RNF144A: variants seen among roughly 807,000 people sequenced by gnomAD.
The protein encoded by RNF144A is E3 ubiquitin-protein ligase RNF144A.
A neutral mutation model predicts 38.7 loss-of-function variants in RNF144A; 11 were observed. That is an observed-to-expected ratio of 0.28 (90% CI 0.18 to 0.47). RNF144A has a LOEUF of 0.47. Among genes scored for constraint, RNF144A ranks in the 20% least tolerant of loss-of-function variants. RNF144A has a pLI of 0.99. For missense variants in RNF144A, 316 were observed against 377.2 expected, an observed-to-expected ratio of 0.84 and a Z score of 1.34; for synonymous variants, 149 against 143.9, an observed-to-expected ratio of 1.04 and a Z score of -0.25.
At chr2:7,005,752 G>T (rs1297670530) in intron 3 of RNF144A, among the ~76,000 whole-genome samples, 1 of 151,968 alleles carries the variant, frequency 6.6e-6, no homozygotes, top group Non-Finnish European at 1.5e-5. Flanking sequence ...TAAAACTTTA[G>T]CTTATTGCTT....
At chr2:6,948,848 A>T (rs1248452491) in intron 2 of RNF144A, among the ~76,000 whole-genome samples, 1 of 152,186 alleles carries the variant, frequency 6.6e-6, no homozygotes, top group Non-Finnish European at 1.5e-5. Flanking sequence ...TGTGCTTCAG[A>T]AGAGATCTTG....
intron 6 of RNF144A, among the ~76,000 whole-genome samples, chr2:7,066,149 C>G (rs369970554): frequency 5.9e-5 from 9 of 151,710 alleles, no homozygotes; most frequent in Admixed American, 5.3e-4. Flanking sequence ...GTTCAGTGGC[C>G]GGATCTCGGC....
intron 3 of RNF144A, among the ~76,000 whole-genome samples, chr2:7,012,790 C>T (rs1670901506): frequency 6.6e-6 from 1 of 152,156 alleles, no homozygotes; most frequent in African/African-American, 2.4e-5. Context: ...TCTGGAGTCT[C>T]ACGTAGAACT....
chr2:6,968,829 G>A (rs1351150352), intron 2 of RNF144A, among the ~76,000 whole-genome samples: 1 of 152,166 alleles, frequency 6.6e-6, no homozygotes, highest in Non-Finnish European at 1.5e-5. Context: ...ATGACTGGTG[G>A]TCAGAGCCCA....
chr2:6,990,679 G>C (rs1669307254), intron 2 of RNF144A, among the ~76,000 whole-genome samples: 1 of 151,694 alleles, frequency 6.6e-6, no homozygotes, highest in African/African-American at 2.4e-5. Context: ...ATACAAATTT[G>C]CCAGGGGGGT....
chr2:7,019,713 A>G (rs1002297086), intron 5 of RNF144A, among the ~76,000 whole-genome samples: 2 of 152,268 alleles, frequency 1.3e-5, no homozygotes, highest in East Asian at 3.8e-4. Flanking sequence ...AAGGGCAGCC[A>G]ATAATTTAAA....
rs565253751 is a variant in RNF144A, at chr2:6,971,599, G to A, written c.-11-25317G>A. ...GCTGTGTGGAACTGGCTAACATGGG[G>A]CAATCAGTTATTCTAGACACAGACA... is the stretch of plus-strand genomic sequence containing the variant. On this transcript the variant is annotated intron_variant, in intron 2 of 8. Coordinates refer to ENST00000320892, the MANE Select transcript of RNF144A (RefSeq NM_014746.6). Among the ~76,000 whole-genome samples, 6 of 152,264 alleles carry A rather than the reference G, an allele frequency of 3.9e-5. No homozygotes were observed. In the South Asian group the frequency reaches 1.2e-3, roughly 32 times the overall value.
At chr2:7,025,176 G>A (rs1339101543) in intron 7 of RNF144A, among the ~76,000 whole-genome samples, 1 of 152,206 alleles carries the variant, frequency 6.6e-6, no homozygotes, top group African/African-American at 2.4e-5. Context: ...CCTACCGTGT[G>A]TGCCTGCAAG....
At chr2:7,013,012 A>G (rs1558431375) in intron 3 of RNF144A, among the ~76,000 whole-genome samples, 1 of 152,060 alleles carries the variant, frequency 6.6e-6, no homozygotes, top group Non-Finnish European at 1.5e-5. Context: ...TCTTGAGAAA[A>G]GCTTTGGGAA....
At chr2:6,955,581 G>T (rs1187658526) in intron 2 of RNF144A, among the ~76,000 whole-genome samples, 1 of 152,126 alleles carries the variant, frequency 6.6e-6, no homozygotes, top group African/African-American at 2.4e-5. Flanking sequence ...GAAGTGTCTG[G>T]TGCATTTTCT....
At chr2:7,055,184 G>C (rs1020726756) in intron 6 of RNF144A, among the ~76,000 whole-genome samples, 1 of 151,980 alleles carries the variant, frequency 6.6e-6, no homozygotes, top group Non-Finnish European at 1.5e-5. Context: ...TCTCTTCTAA[G>C]CTTTGCAAAT....
At chr2:7,013,122 A>C (rs6720046) in intron 3 of RNF144A, among the ~76,000 whole-genome samples, 32,442 of 152,124 alleles carry the variant, frequency 0.21, 4,267 homozygotes, top group East Asian at 0.56. Context: ...GGATGGGGAG[A>C]ATTACCAGTT....
chr2:7,042,964 T>C lies in RNF144A; in HGVS notation c.*3204T>C. The C allele has an allele frequency of 1.6e-6, 1 of 615,182 alleles. No individual in the cohort carries two copies. The highest frequency in any genetic ancestry group is 8.7e-4 in the Middle Eastern group (1 of 1,154). 38.1% of individuals were successfully genotyped at this position (615,182 alleles called of 1,614,324 possible). On this transcript the variant is annotated 3_prime_UTR_variant, in exon 9 of 9. Coordinates refer to ENST00000320892, the MANE Select transcript of RNF144A (RefSeq NM_014746.6). ...CTCACTGCAAGCTCTGCCTCCCGGG[T>C]TCAAGCGATTCTCCTGCCTCAGCCT... is the stretch of plus-strand genomic sequence containing the variant.
chr2:7,009,974 C>G (rs768777805), intron 3 of RNF144A, among the ~76,000 whole-genome samples: 11 of 152,234 alleles, frequency 7.2e-5, no homozygotes, highest in African/African-American at 9.6e-5. Context: ...GGCTTTGATT[C>G]ATCCCTTGCT....
chr2:6,924,321 C>T (rs768038558), intron 1 of RNF144A, among the ~76,000 whole-genome samples: 2 of 152,218 alleles, frequency 1.3e-5, no homozygotes, highest in African/African-American at 2.4e-5. Flanking sequence ...AGGCACTGTG[C>T]GATGCACGGG....
At position 6,947,653 on chromosome 2, in the gene RNF144A, G is replaced by T. The variant is rs189359962; in HGVS notation, c.-12+6506G>T. 3.2e-4 allele frequency among the ~76,000 whole-genome samples: 48 copies of T among 152,264 alleles called. No homozygotes were observed. The East Asian group carries it at 4.2e-3, about 13-fold the overall frequency. On this transcript the variant is annotated intron_variant, in intron 2 of 8. Transcript: ENST00000320892. ...ATTTGTAGTTCTATTGAATTTTTTTGATGGCAACTGGGGGCATGCAAAGGG... is the reference window on the plus strand; with the variant it reads ...ATTTGTAGTTCTATTGAATTTTTTTTATGGCAACTGGGGGCATGCAAAGGG...
chr2:6,929,922 T>C (rs1665097974), intron 1 of RNF144A, among the ~76,000 whole-genome samples: 1 of 152,224 alleles, frequency 6.6e-6, no homozygotes, highest in African/African-American at 2.4e-5. Flanking sequence ...TGGGTCCTGC[T>C]GCAGGAAGGA....
chr2:7,050,946 T>G (rs372648490), intron 6 of RNF144A, among the ~76,000 whole-genome samples: 1 of 152,234 alleles, frequency 6.6e-6, no homozygotes, highest in Non-Finnish European at 1.5e-5. Flanking sequence ...GGGTGCAGTC[T>G]TGAAGCTAGT....
rs1665952583 is a variant in RNF144A at position 6,941,231 on chromosome 2, T to C, written c.-12+84T>C. On this transcript the variant is annotated intron_variant, in intron 2 of 8. Transcript: ENST00000320892. The surrounding 1 kb of genome is among the most constrained non-coding windows in gnomAD (Gnocchi z 6.5). ...AATCTCAGGCCATTGTTGGAAAAGA[T>C]AGTAGGCCTGCCTGGGTGGATTTTT... The C allele has an allele frequency of 1.3e-5, 2 of 152,234 alleles. No individual in the cohort carries two copies. The highest frequency in any genetic ancestry group is 1.9e-4 in the East Asian group (1 of 5,206). The allele number at this position is 152,234 out of a possible 1,614,324, so 9.4% of individuals were successfully genotyped here.
Sources: allele counts gnomAD v4.1 joint callset (sites outside exome capture counted in the v4.1 genomes callset), GRCh38; gene constraint gnomAD v4.1.1; non-coding constraint Gnocchi (gnomAD v3.1); transcripts MANE v1.5; gene names NCBI Gene and HGNC (gene_info 2026-07-23, HGNC 2026-07-21).